Variants in NRP1 observed in about 807,000 individuals in gnomAD.
NRP1 encodes neuropilin-1.
NRP1 carries 35 observed loss-of-function variants against 106.7 expected under a neutral mutation model. The ratio of observed to expected loss-of-function variants is 0.33; its 90% CI spans 0.25 to 0.43. The LOEUF is 0.43. Ranked by LOEUF, NRP1 falls within the 20% of genes least tolerant of loss-of-function variation. NRP1 has a pLI of 1.00. For missense variants in NRP1, 1,024 were observed against 1,170.4 expected (o/e 0.87, Z 1.83); for synonymous variants, 437 against 417.9 (o/e 1.05, Z -0.56).
chr10:33,208,302 A>G (rs2383985), intron 9 of NRP1, among the ~76,000 whole-genome samples: 1,581 of 152,040 alleles, frequency 0.01, 11 homozygotes, highest in Non-Finnish European at 0.018. Context: ...ATCCTCCTGC[A>G]TTGGCCTCTC....
chr10:33,221,579 T>A lies in NRP1; in HGVS notation c.1282+140A>T, dbSNP rs541583072. ...GGATTTGAACTCGGATTTGTCTAAATCCAAAGTAGATGCTTTTAATTGTCA... is the reference window on the plus strand; with the variant it reads ...GGATTTGAACTCGGATTTGTCTAAAACCAAAGTAGATGCTTTTAATTGTCA... On this transcript the variant is annotated intron_variant, in intron 8 of 16. Coordinates refer to ENST00000374867, the MANE Select transcript of NRP1 (RefSeq NM_003873.7). 7.8e-4 allele frequency: 816 copies of A among 1,046,634 alleles called. 3 individuals carry two copies. Among genetic ancestry groups the A allele is most frequent in the Middle Eastern group, 5.3e-3 (17 of 3,180 alleles). 64.8% of individuals were successfully genotyped at this position (1,046,634 alleles called of 1,614,324 possible). A position where few individuals can be genotyped will look rare whatever the true frequency, so the allele number is the denominator to read the frequency against.
Position 33,330,865 on chromosome 10 carries a change from T to C in NRP1, c.91A>G (p.Ile31Val). 1 of 1,606,792 alleles carries C rather than the reference T, an allele frequency of 6.2e-7. No homozygotes were observed. The highest frequency in any genetic ancestry group is 8.5e-7 in the Non-Finnish European group (1 of 1,175,350). ...AFRNDKCGDTIKIESPGYLTS... is the reference protein window; with the variant it reads ...AFRNDKCGDTVKIESPGYLTS... The stretch of plus-strand genomic sequence containing the variant: ...AGGTACCCGGGGCTTTCAATTTTTA[T>C]AGTATCGCCACATTTATCTGCAATG... The change falls in exon 2 of 17, where the codon ATA becomes GTA. Residue 31 changes from isoleucine (I) to valine (V), a missense_variant. By Grantham distance (29) the Ile-to-Val change is conservative. Around this residue, in one of 5 missense-constraint regions of NRP1, gnomAD observed 279 missense variants for 327.4 expected, o/e 0.85. Transcript: ENST00000374867.
intron 7 of NRP1, among the ~76,000 whole-genome samples, chr10:33,225,529 T>C (rs78804216): frequency 0.011 from 1,671 of 152,332 alleles, 11 homozygotes; most frequent in Non-Finnish European, 0.019. Flanking sequence ...AACATCTCTG[T>C]TCCAAATGAG....
chr10:33,293,217 A>C (rs1166103314), intron 2 of NRP1, among the ~76,000 whole-genome samples: 1 of 152,230 alleles, frequency 6.6e-6, no homozygotes, highest in African/African-American at 2.4e-5. Context: ...ATTAACTTGA[A>C]CACAATGGTC....
chr10:33,249,329 A>T (rs1372717874), intron 6 of NRP1: 3 of 399,256 alleles, frequency 7.5e-6, no homozygotes, highest in Non-Finnish European at 1.5e-5. Flanking sequence ...TACACTGTGT[A>T]CTTAGTTTGC....
rs541868049 is a variant in NRP1, at chr10:33,298,551, C to T, written c.249-27695G>A. ...GCATCCGTTATGAAGACAAGAACTCCGCAAATCTCCTCCTTGCTGGCTGGG... is the reference window on the plus strand; with the variant it reads ...GCATCCGTTATGAAGACAAGAACTCTGCAAATCTCCTCCTTGCTGGCTGGG... On this transcript the variant is annotated intron_variant, in intron 2 of 16. Coordinates refer to ENST00000374867, the MANE Select transcript of NRP1 (RefSeq NM_003873.7). Among the ~76,000 whole-genome samples the T allele has an allele frequency of 2.5e-4, 38 of 152,252 alleles. 1 individual carries two copies. Among genetic ancestry groups the T allele is most frequent in the East Asian group, 2.1e-3 (11 of 5,176 alleles).
At position 33,177,580 on chromosome 10, in the gene NRP1, T is replaced by G. The variant is rs968290943; in HGVS notation, c.*2496A>C. 1.3e-5 allele frequency: 2 copies of G among 152,674 alleles called. No individual in the cohort carries two copies. The highest frequency in any genetic ancestry group is 2.9e-5 in the Non-Finnish European group (2 of 68,034). The allele number at this position is 152,674 out of a possible 1,614,324, so 9.5% of individuals were successfully genotyped here. On this transcript the variant is annotated 3_prime_UTR_variant, in exon 17 of 17. Transcript: ENST00000374867. Reference sequence around the variant, plus strand: ...GAATTTAAGTTACAGTTCAGTTCTATGTGGTTTTTATGCTACTCAGTGTCT... The same window carrying G: ...GAATTTAAGTTACAGTTCAGTTCTAGGTGGTTTTTATGCTACTCAGTGTCT...
chr10:33,184,841 C>A (rs1289217157), intron 15 of NRP1, among the ~76,000 whole-genome samples: 2 of 152,202 alleles, frequency 1.3e-5, no homozygotes, highest in Non-Finnish European at 2.9e-5. Context: ...TTACAGCCAA[C>A]AGACCTCCTT....
At chr10:33,287,013 A>G (rs1844616563) in intron 2 of NRP1, among the ~76,000 whole-genome samples, 1 of 152,196 alleles carries the variant, frequency 6.6e-6, no homozygotes, top group African/African-American at 2.4e-5. Flanking sequence ...TAACTTTCAT[A>G]AATTTTAAAT....
rs77410292 is a variant in NRP1, at chr10:33,302,081, C to G, written c.248+28627G>C. On this transcript the variant is annotated intron_variant, in intron 2 of 16. Transcript: ENST00000374867. ...AAATAGACTACTTAGTACAGAGTCT[C>G]TGTATAATAAAAAAAAATTTCCAAT... 4.3e-3 allele frequency among the ~76,000 whole-genome samples: 648 copies of G among 152,186 alleles called. 2 individuals carry two copies. Among genetic ancestry groups the G allele is most frequent in the African/African-American group, 0.015 (608 of 41,518 alleles).
chr10:33,255,292 T>C (rs1221354831), intron 5 of NRP1, among the ~76,000 whole-genome samples: 1 of 152,196 alleles, frequency 6.6e-6, no homozygotes, highest in Non-Finnish European at 1.5e-5. Context: ...ACAAATCAGA[T>C]TTTGAAATTT....
At chr10:33,325,651 A>G (rs1847832412) in intron 2 of NRP1, among the ~76,000 whole-genome samples, 1 of 152,230 alleles carries the variant, frequency 6.6e-6, no homozygotes, top group Non-Finnish European at 1.5e-5. Context: ...TTAATAATTT[A>G]GGTAATTTAA....
At chr10:33,232,262 C>T (rs1371462554) in intron 6 of NRP1, among the ~76,000 whole-genome samples, 3 of 152,180 alleles carry the variant, frequency 2.0e-5, no homozygotes, top group Non-Finnish European at 4.4e-5. Context: ...CATAAAAATT[C>T]AGACACACAA....
intron 4 of NRP1, among the ~76,000 whole-genome samples, chr10:33,261,977 C>A (rs150643258): frequency 0.09 from 13,724 of 152,264 alleles, 800 homozygotes; most frequent in Non-Finnish European, 0.12. Context: ...CTCAGGTGAT[C>A]CACCTGCCTT....
intron 10 of NRP1, 51 bp from the exon 11 acceptor site, chr10:33,203,046 A>C: frequency 1.1e-5 from 17 of 1,550,262 alleles, no homozygotes; most frequent in Admixed American, 1.8e-5. Context: ...ATGTATTCTC[A>C]AGCCTCTGGC....
chr10:33,200,467 T>G lies in NRP1; in HGVS notation c.1864+2424A>C, dbSNP rs142297701. Among the ~76,000 whole-genome samples the G allele has an allele frequency of 2.7e-3, 405 of 152,222 alleles. 1 individual carries two copies. Among genetic ancestry groups the G allele is most frequent in the African/African-American group, 9.5e-3 (394 of 41,526 alleles). ...AAGTAACGAGCATTTCATTACAATA[T>G]TTCTCCCCTCTAGATACAAGTAGGT... On this transcript the variant is annotated intron_variant, in intron 11 of 16. Coordinates refer to ENST00000374867, the MANE Select transcript of NRP1 (RefSeq NM_003873.7).
rs1835954829 is a variant in NRP1, at chr10:33,185,644, T to G, written c.2415A>C (p.Ser805=). ...VDDISINNHI[S]QEDCAKPADL... ...CATACTTACTTGCACAATCTTCTTG[T>G]GAAATGTGGTTATTAATACTAATGT... The change falls in exon 15 of 17, where the codon TCA becomes TCC. Residue 805 remains serine (S), a synonymous_variant. Coordinates refer to ENST00000374867, the MANE Select transcript of NRP1 (RefSeq NM_003873.7). 1 of 1,613,582 alleles carries G rather than the reference T, an allele frequency of 6.2e-7. No homozygotes were observed. The highest frequency in any genetic ancestry group is 8.5e-7 in the Non-Finnish European group (1 of 1,179,486).
chr10:33,195,675 CCAT>C, intron 12 of NRP1: 1 of 461,646 alleles, frequency 2.2e-6, no homozygotes, highest in Non-Finnish European at 4.4e-6. Context: ...GCTCAAGTCC[CCAT>C]GCAATATTCT....
Position 33,294,561 on chromosome 10 carries a change from T to G in NRP1, c.249-23705A>C, listed in dbSNP as rs944183097. ...CGAACCCGGGAGGCAGAGATTGTGG[T>G]GAGTTGACATCCGCCACTGCAGTTC... On this transcript the variant is annotated intron_variant, in intron 2 of 16. Coordinates refer to ENST00000374867, the MANE Select transcript of NRP1 (RefSeq NM_003873.7). 8.3e-5 allele frequency among the ~76,000 whole-genome samples: 12 copies of G among 144,926 alleles called. No individual in the cohort carries two copies. In the East Asian group the frequency reaches 2.2e-3, roughly 27 times the overall value.
Sources: gnomAD v4.1 joint callset for allele counts (sites outside exome capture counted in the v4.1 genomes callset) on GRCh38, gnomAD v4.1.1 for gene constraint, gnomAD v4.1.1 regional missense constraint, MANE v1.5 for transcripts, NCBI Gene and HGNC (gene_info 2026-07-23, HGNC 2026-07-21) for gene names.